The following RYR2 variants were observed in gnomAD, a reference collection of about 807,000 sequenced individuals.
The protein encoded by RYR2 is ryanodine receptor 2.
Under a neutral mutation model 601.1 loss-of-function variants are expected in RYR2, and 227 were observed. The ratio of observed to expected loss-of-function variants is 0.38; its 90% CI spans 0.34 to 0.42. The LOEUF (loss-of-function observed/expected upper bound fraction) is 0.42, where lower values mean the gene tolerates loss of function less well. RYR2 is among the 10% of genes least tolerant of loss of function. The pLI is 1.00. For synonymous variants in RYR2, 2,223 were observed against 2,175.1 expected, an observed-to-expected ratio of 1.02 and a Z score of -0.61; for missense variants, 4,646 against 6,156.5, an observed-to-expected ratio of 0.75 and a Z score of 8.21.
chr1:237,695,631 A>G (rs1687356253), intron 63 of RYR2, among the ~76,000 whole-genome samples: 1 of 152,174 alleles, frequency 6.6e-6, no homozygotes, highest in African/African-American at 2.4e-5. Flanking sequence ...GATTATGGTA[A>G]TCTGGATAGC....
intron 80 of RYR2, among the ~76,000 whole-genome samples, chr1:237,745,807 A>G (rs2149225145): frequency 6.6e-6 from 1 of 152,268 alleles, no homozygotes; most frequent in South Asian, 2.1e-4. Flanking sequence ...ACCAGCAGAT[A>G]TGACTGTCTC....
chr1:237,248,137 T>C (rs1461663931), intron 1 of RYR2, among the ~76,000 whole-genome samples: 2 of 151,790 alleles, frequency 1.3e-5, no homozygotes, highest in Admixed American at 6.6e-5. Context: ...CCGGGTGTGG[T>C]GGTGCACTCC....
At chr1:237,590,116 A>C (rs939961717) in intron 30 of RYR2, 115 bp downstream of exon 30, 10 of 934,692 alleles carry the variant, frequency 1.1e-5, no homozygotes, top group African/African-American at 1.0e-4. Context: ...GATGACCTTG[A>C]TGTGTTATAT....
rs1660018312 is a variant in RYR2, at chr1:237,801,886, G to A, written c.14121G>A (p.Met4707Ile). ...ACTCCATTGATGTGAAGTATCAGAT[G>A]TGGAAACTAGGAGTCGTTTTCACTG... is the stretch of plus-strand genomic sequence containing the variant. ...VLNSIDVKYQ[M>I]WKLGVVFTDN... Residue 4707 changes from methionine (M) to isoleucine (I), a missense_variant, in exon 98 of 105, where the codon ATG (methionine) becomes ATA (isoleucine). Coordinates refer to ENST00000366574, the MANE Select transcript of RYR2 (RefSeq NM_001035.3). 1 of 1,600,494 alleles carries A rather than the reference G, an allele frequency of 6.2e-7. No individual in the cohort carries two copies. The highest frequency in any genetic ancestry group is 1.3e-5 in the African/African-American group (1 of 74,600).
At chr1:237,738,144 A>T (rs933023476) in intron 79 of RYR2, among the ~76,000 whole-genome samples, 3 of 152,106 alleles carry the variant, frequency 2.0e-5, no homozygotes, top group Admixed American at 6.5e-5. Context: ...ACTTGAACTC[A>T]CTTTAAGAGA....
chr1:237,211,155 G>A (rs925003541), intron 1 of RYR2, among the ~76,000 whole-genome samples: 1 of 152,156 alleles, frequency 6.6e-6, no homozygotes, highest in Non-Finnish European at 1.5e-5. Flanking sequence ...TGGTGAGATA[G>A]GGCACAGAAA....
At chr1:237,055,566 T>G (rs1022198001) in intron 1 of RYR2, among the ~76,000 whole-genome samples, 3 of 151,972 alleles carry the variant, frequency 2.0e-5, no homozygotes, top group Admixed American at 2.0e-4. Context: ...TGGTAACTGA[T>G]TAGATACAAG....
chr1:237,184,845 G>A (rs900953795), intron 1 of RYR2, among the ~76,000 whole-genome samples: 1 of 150,758 alleles, frequency 6.6e-6, no homozygotes, highest in Non-Finnish European at 1.5e-5. Context: ...CTTTAGTTGA[G>A]TTGAAGGTTA....
At chr1:237,618,323 A>T (rs1678701910) in intron 38 of RYR2, among the ~76,000 whole-genome samples, 1 of 152,142 alleles carries the variant, frequency 6.6e-6, no homozygotes, top group Non-Finnish European at 1.5e-5. Context: ...TACTGTTGGG[A>T]AACTTCTGCT....
chr1:237,519,801 C>T (rs1390283427), intron 24 of RYR2, among the ~76,000 whole-genome samples: 2 of 151,924 alleles, frequency 1.3e-5, no homozygotes, highest in Non-Finnish European at 2.9e-5. Flanking sequence ...ATTGTTTTTC[C>T]CTAATTCTGT....
intron 25 of RYR2, among the ~76,000 whole-genome samples, chr1:237,543,282 A>T (rs1319881901): frequency 2.0e-5 from 3 of 152,178 alleles, no homozygotes; most frequent in African/African-American, 7.2e-5. Flanking sequence ...GTTTGGGGTC[A>T]GGGGAGTAGG....
intron 27 of RYR2, among the ~76,000 whole-genome samples, chr1:237,551,454 C>T (rs1272923402): frequency 1.4e-5 from 2 of 141,212 alleles, no homozygotes; most frequent in Middle Eastern, 4.3e-3. Flanking sequence ...TGGTGTGAAC[C>T]CGGGAGGCAG....
intron 80 of RYR2, among the ~76,000 whole-genome samples, chr1:237,745,150 C>A (rs1203309103): frequency 6.6e-6 from 1 of 151,962 alleles, no homozygotes; most frequent in African/African-American, 2.4e-5. Context: ...ATATATAGTT[C>A]TTGTATCATC....
intron 2 of RYR2, among the ~76,000 whole-genome samples, chr1:237,288,206 G>A (rs1051079357): frequency 5.9e-5 from 9 of 152,180 alleles, no homozygotes; most frequent in Admixed American, 1.3e-4. Flanking sequence ...GTCTGTCCTG[G>A]TGCAGGTGGT....
Position 237,638,504 on chromosome 1 carries a change from T to C in RYR2, c.6928+12T>C. ...TGTCTTCTGTAATGGTAGGACTTGA[T>C]TTCTTGAGGTCTTTTGAGTTATCAT... On this transcript the variant is annotated intron_variant, in intron 45 of 104. Coordinates refer to ENST00000366574, the MANE Select transcript of RYR2 (RefSeq NM_001035.3). 2 of 1,613,348 alleles carry C rather than the reference T, an allele frequency of 1.2e-6. No individual in the cohort carries two copies. The highest frequency in any genetic ancestry group is 1.7e-6 in the Non-Finnish European group (2 of 1,179,404).
intron 26 of RYR2, among the ~76,000 whole-genome samples, chr1:237,550,323 C>T (rs1670258797): frequency 6.6e-6 from 1 of 152,090 alleles, no homozygotes; most frequent in Non-Finnish European, 1.5e-5. Flanking sequence ...GTTGTTTTTC[C>T]TTCTCATGGA....
chr1:237,590,854 C>T lies in RYR2; in HGVS notation c.4022C>T (p.Ser1341Phe), dbSNP rs372397140. 3 of 1,613,842 alleles carry T rather than the reference C, an allele frequency of 1.9e-6. No homozygotes were observed. In the African/African-American group the frequency reaches 4.0e-5, roughly 22 times the overall value. The change falls in exon 31 of 105, where the codon TCT becomes TTT. Residue 1341 changes from serine to phenylalanine, a missense_variant. By Grantham distance (155) the Ser-to-Phe change is radical. Transcript: ENST00000366574. ...KNDLEDYDAD[S>F]DFEVLMKTAH... The stretch of plus-strand genomic sequence containing the variant: ...GACTTGGAAGATTATGATGCTGATT[C>T]TGACTTTGAGGTTCTGATGAAGACA...
chr1:237,485,726 A>T (rs567299149), intron 17 of RYR2, among the ~76,000 whole-genome samples: 26 of 152,278 alleles, frequency 1.7e-4, no homozygotes, highest in African/African-American at 5.8e-4. Flanking sequence ...TAATAAATAT[A>T]TATGATTCAT....
chr1:237,349,221 A>T (rs565012278), intron 3 of RYR2, among the ~76,000 whole-genome samples: 2 of 152,324 alleles, frequency 1.3e-5, no homozygotes, highest in South Asian at 4.1e-4. Context: ...GGAGGGAACA[A>T]AATTTAAAAG....
Sources: allele counts gnomAD v4.1 joint callset (sites outside exome capture counted in the v4.1 genomes callset), GRCh38; gene constraint gnomAD v4.1.1; transcripts MANE v1.5; gene names NCBI Gene and HGNC (gene_info 2026-07-23, HGNC 2026-07-21).